Variants in SLC24A4 observed in about 807,000 individuals in gnomAD.
The protein encoded by SLC24A4 is sodium/potassium/calcium exchanger 4.
In SLC24A4, 53 loss-of-function variants were observed where a neutral mutation model predicts 79.0. The observed-to-expected ratio is 0.67, with a 90% confidence interval of 0.54 to 0.84. The LOEUF is 0.84. Ranked by LOEUF, SLC24A4 falls within the 40% of genes least tolerant of loss-of-function variation. The probability of loss-of-function intolerance (pLI) is 0.00; values close to 1 mark genes in which losing one functional copy is unlikely to be tolerated. For synonymous variants in SLC24A4, 323 were observed against 323.8 expected (o/e 1.00, Z 0.03); for missense variants, 731 against 822.0 (o/e 0.89, Z 1.35).
chr14:92,459,340 T>G (rs1433715665), intron 12 of SLC24A4, among the ~76,000 whole-genome samples: 1 of 152,070 alleles, frequency 6.6e-6, no homozygotes, highest in Non-Finnish European at 1.5e-5. Flanking sequence ...CTTCCCAGGG[T>G]CAGAGGCTTA....
intron 2 of SLC24A4, among the ~76,000 whole-genome samples, chr14:92,372,992 T>G (rs1371179734): frequency 7.1e-6 from 1 of 140,614 alleles, no homozygotes; most frequent in African/African-American, 2.6e-5. Flanking sequence ...TCTCCCTCTC[T>G]CTCTCTTCTT....
At chr14:92,433,891 C>T in intron 2 of SLC24A4, 21 bp from the exon 3 acceptor site, 1 of 1,607,950 alleles carries the variant, frequency 6.2e-7, no homozygotes, top group Non-Finnish European at 8.5e-7. Context: ...TAACACTCTG[C>T]CATCTCTTCC....
At chr14:92,440,102 G>A (rs1233149593) in intron 4 of SLC24A4, among the ~76,000 whole-genome samples, 1 of 152,218 alleles carries the variant, frequency 6.6e-6, no homozygotes, top group Non-Finnish European at 1.5e-5. Context: ...AGCTGGGAGG[G>A]TGGGTTGTTC....
chr14:92,479,283 G>A (rs1476618775), intron 12 of SLC24A4, among the ~76,000 whole-genome samples: 1 of 152,140 alleles, frequency 6.6e-6, no homozygotes, highest in Non-Finnish European at 1.5e-5. Context: ...GTGAGGTGGG[G>A]AGGGGAGGGT....
At chr14:92,440,020 A>G (rs1892402490) in intron 4 of SLC24A4, among the ~76,000 whole-genome samples, 1 of 152,234 alleles carries the variant, frequency 6.6e-6, no homozygotes, top group African/African-American at 2.4e-5. Context: ...TGGAGTGCCC[A>G]GGGCTTTACC....
In SLC24A4 at chr14:92,496,217, TA is replaced by T. The variant is rs1208000582; in HGVS notation, c.*2592del. On this transcript the variant is annotated 3_prime_UTR_variant, in exon 17 of 17. Transcript: ENST00000532405. ...TTTAATGTGCCAATGTAACTTCCTT[TA>T]AAGGATCTATGCATTTATTAAATCT... 4.6e-5 allele frequency: 7 copies of T among 152,698 alleles called. No homozygotes were observed. The highest frequency in any genetic ancestry group is 2.6e-4 in the Admixed American group (4 of 15,288). The allele number at this position is 152,698 out of a possible 1,614,324, so 9.5% of individuals were successfully genotyped here.
chr14:92,397,256 G>A (rs59590850), intron 2 of SLC24A4, among the ~76,000 whole-genome samples: 4,287 of 152,162 alleles, frequency 0.028, 195 homozygotes, highest in East Asian at 0.19. Flanking sequence ...AGGATCCCAC[G>A]GAAAATTAGC....
chr14:92,469,374 T>C (rs1894307774), intron 12 of SLC24A4, among the ~76,000 whole-genome samples: 1 of 151,918 alleles, frequency 6.6e-6, no homozygotes, highest in African/African-American at 2.4e-5. Context: ...CCAGGTGTGG[T>C]GGTGGGCACC....
At position 92,457,936 on chromosome 14, in the gene SLC24A4, G is replaced by A. The variant is rs146353755; in HGVS notation, c.1255+1328G>A. On this transcript the variant is annotated intron_variant, in intron 12 of 16. Coordinates refer to ENST00000532405, the MANE Select transcript of SLC24A4 (RefSeq NM_153646.4). ...GGAACACCTGCCTGCGGTAGGTGGC[G>A]TGGGCCTGGCAGGCTGGGGTGCCCT... 2.0e-4 allele frequency among the ~76,000 whole-genome samples: 30 copies of A among 152,336 alleles called. 1 individual carries two copies. In the East Asian group the frequency reaches 4.8e-3, roughly 25 times the overall value.
rs372371451 is a variant in SLC24A4, at chr14:92,478,779, C to T, written c.1256-3901C>T. Among the ~76,000 whole-genome samples, 8 of 152,030 alleles carry T rather than the reference C, an allele frequency of 5.3e-5. No individual in the cohort carries two copies. The South Asian group carries it at 6.2e-4, about 12-fold the overall frequency. ...TGATAGGGATTGCATTGAATGTATA[C>T]GTAAGTTTGGGGAATATTACCGTCT... On this transcript the variant is annotated intron_variant, in intron 12 of 16. Transcript: ENST00000532405.
Position 92,456,424 on chromosome 14 carries a change from G to T in SLC24A4, c.1071G>T (p.Ser357=). ...IINERQRLIN[S]ANGVSSKPLQ... is the part of the protein sequence containing the mutation. The stretch of plus-strand genomic sequence containing the variant: ...CACAGCGGCAGAGACTGATCAACTC[G>T]GCCAATGGTGTGAGCAGTAAGCCGC... Residue 357 remains serine, a synonymous_variant, in exon 12 of 17, where the codon TCG becomes TCT. Coordinates refer to ENST00000532405, the MANE Select transcript of SLC24A4 (RefSeq NM_153646.4). 10 of 1,614,202 alleles carry T rather than the reference G, an allele frequency of 6.2e-6. No individual in the cohort carries two copies. The highest frequency in any genetic ancestry group is 7.6e-6 in the Non-Finnish European group (9 of 1,180,036).
At chr14:92,363,299 A>G (rs542837100) in intron 2 of SLC24A4, among the ~76,000 whole-genome samples, 1 of 152,162 alleles carries the variant, frequency 6.6e-6, no homozygotes, top group Non-Finnish European at 1.5e-5. Context: ...TGGGGCTAAT[A>G]CTGTGCGGGG....
chr14:92,366,047 C>G (rs916646782), intron 2 of SLC24A4, among the ~76,000 whole-genome samples: 1 of 152,212 alleles, frequency 6.6e-6, no homozygotes, highest in African/African-American at 2.4e-5. Flanking sequence ...ATCTGCACAG[C>G]CTTTTGTGGC....
intron 12 of SLC24A4, among the ~76,000 whole-genome samples, chr14:92,460,451 A>G (rs573698899): frequency 5.7e-4 from 87 of 152,284 alleles, no homozygotes; most frequent in African/African-American, 2.0e-3. Flanking sequence ...TTGGGACTAC[A>G]GTGTTCTAGA....
rs753130527 is a variant in SLC24A4 at position 92,492,191 on chromosome 14, G to A, written c.1667G>A (p.Arg556Gln). The A allele has an allele frequency of 1.7e-5, 28 of 1,613,814 alleles. No homozygotes were observed. Among genetic ancestry groups the A allele is most frequent in the Non-Finnish European group, 2.1e-5 (25 of 1,179,886 alleles). Residue 556 changes from arginine to glutamine, a missense_variant, in exon 16 of 17, where the codon CGG (arginine) becomes CAG (glutamine). Transcript: ENST00000532405. ...ATTTTCCAGGTGAAGATCAACAGCC[G>A]GGGGCTGGTCTATTCCGTGGTCCTG... ...NYGSTVKINS[R>Q]GLVYSVVLLL...
chr14:92,416,017 T>C (rs1330950628), intron 2 of SLC24A4, among the ~76,000 whole-genome samples: 2 of 152,160 alleles, frequency 1.3e-5, no homozygotes, highest in African/African-American at 4.8e-5. Flanking sequence ...GATGTTTGGT[T>C]TTCCAATGCA....
chr14:92,369,989 GTT>G (rs202131427), intron 2 of SLC24A4, among the ~76,000 whole-genome samples: 2,003 of 152,240 alleles, frequency 0.013, 46 homozygotes, highest in African/African-American at 0.046. Flanking sequence ...TTTCAAAATG[GTT>G]TCACAAAAGA....
chr14:92,479,876 C>A (rs1319798688), intron 12 of SLC24A4, among the ~76,000 whole-genome samples: 2 of 152,152 alleles, frequency 1.3e-5, no homozygotes, highest in Admixed American at 6.5e-5. Context: ...CTGTTTCAAT[C>A]TTGTTTTAAA....
At chr14:92,330,085 G>A (rs1304524511) in intron 2 of SLC24A4, among the ~76,000 whole-genome samples, 3 of 152,136 alleles carry the variant, frequency 2.0e-5, no homozygotes, top group South Asian at 2.1e-4. Context: ...GGTGGTGCTC[G>A]CTGGGCTGGA....
Sources: gnomAD v4.1 joint callset for allele counts (sites outside exome capture counted in the v4.1 genomes callset) on GRCh38, gnomAD v4.1.1 for gene constraint, MANE v1.5 for transcripts, NCBI Gene and HGNC (gene_info 2026-07-23, HGNC 2026-07-21) for gene names.